Variants in HMGN3 observed in about 807,000 individuals in gnomAD.
HMGN3 encodes the protein high mobility group nucleosome-binding domain-containing protein 3.
HMGN3 carries 6 observed loss-of-function variants against 18.8 expected under a neutral mutation model. The ratio of observed to expected loss-of-function variants is 0.32; its 90% CI spans 0.18 to 0.63. The LOEUF is 0.63. Among genes scored for constraint, HMGN3 ranks in the 30% least tolerant of loss-of-function variants. The pLI, the probability that HMGN3 is intolerant of heterozygous loss-of-function variation, is 0.79. For synonymous variants in HMGN3, 40 were observed against 36.5 expected (o/e 1.10, Z -0.35); for missense variants, 107 against 114.2 (o/e 0.94, Z 0.29).
intron 1 of HMGN3, among the ~76,000 whole-genome samples, chr6:79,218,533 C>T (rs927463206): frequency 2.6e-5 from 4 of 151,912 alleles, no homozygotes; most frequent in Admixed American, 1.3e-4. Context: ...ATCTCACAAA[C>T]GTAATGTTGG....
intron 5 of HMGN3, 93 bp from the exon 7 acceptor site, chr6:79,201,819 C>T: frequency 6.6e-7 from 1 of 1,522,080 alleles, no homozygotes; most frequent in Non-Finnish European, 8.7e-7. Context: ...CAGTTTTGAA[C>T]ATTTGTTTTC....
intron 1 of HMGN3, among the ~76,000 whole-genome samples, chr6:79,224,256 T>C (rs1777450715): frequency 6.6e-6 from 1 of 152,182 alleles, no homozygotes; most frequent in South Asian, 2.1e-4. Flanking sequence ...CATACTCTTA[T>C]CCACTACACC....
chr6:79,230,725 T>C (rs1475627484), intron 1 of HMGN3, among the ~76,000 whole-genome samples: 1 of 152,224 alleles, frequency 6.6e-6, no homozygotes, highest in Non-Finnish European at 1.5e-5. Flanking sequence ...TTTTCAGTGA[T>C]ATGTGGTACA....
intron 1 of HMGN3, among the ~76,000 whole-genome samples, chr6:79,229,727 A>C (rs1043588282): frequency 1.8e-4 from 28 of 152,106 alleles, no homozygotes; most frequent in African/African-American, 5.6e-4. Context: ...AATACAAAAA[A>C]ATTAGCCGGG....
At position 79,218,892 on chromosome 6, in the gene HMGN3, G is replaced by C. The variant is rs892780191; in HGVS notation, c.16-3870C>G. Among the ~76,000 whole-genome samples the C allele has an allele frequency of 2.7e-4, 41 of 152,172 alleles. No individual in the cohort carries two copies. The Middle Eastern group carries it at 0.01, about 38-fold the overall frequency. ...AAACTCAAAACACGGATAAACTCTAGACCAGACACAGTAGGAACTGCCATA... is the reference window on the plus strand; with the variant it reads ...AAACTCAAAACACGGATAAACTCTACACCAGACACAGTAGGAACTGCCATA... On this transcript the variant is annotated intron_variant, in intron 1 of 5. Coordinates refer to ENST00000344726, the Ensembl canonical transcript of HMGN3.
rs1165163368 is a variant in HMGN3, at chr6:79,202,369, A to G, written c.168T>C (p.Ile56=). ...CCTTCTTCCCTTTAGCACCTCTGCTAATCTTTGCTCCAGGTTCTTTCTAAC... is the reference window on the plus strand; with the variant it reads ...CCTTCTTCCCTTTAGCACCTCTGCTGATCTTTGCTCCAGGTTCTTTCTAAC... The change falls in exon 5 of 6, where the codon ATT becomes ATC. Residue 56 remains isoleucine, a synonymous_variant. Coordinates refer to ENST00000344726, the Ensembl canonical transcript of HMGN3. 1.9e-6 allele frequency: 3 copies of G among 1,613,860 alleles called. No individual in the cohort carries two copies. In the South Asian group the frequency reaches 3.3e-5, roughly 18 times the overall value.
Position 79,232,392 on chromosome 6 carries a change from G to A in HMGN3, c.15+2154C>T, listed in dbSNP as rs373711062. The stretch of plus-strand genomic sequence containing the variant: ...TCCTGCCCAGGTACCAACTGAGGTC[G>A]TTAGGCTTCAGGTATAAATGGAAAG... On this transcript the variant is annotated intron_variant, in intron 1 of 5. Coordinates refer to ENST00000344726, the Ensembl canonical transcript of HMGN3. Among the ~76,000 whole-genome samples the A allele has an allele frequency of 3.4e-4, 51 of 152,226 alleles. 2 individuals carry two copies. In the South Asian group the frequency reaches 9.5e-3, roughly 28 times the overall value.
intron 1 of HMGN3, among the ~76,000 whole-genome samples, chr6:79,223,459 C>T (rs1238973887): frequency 6.6e-6 from 1 of 151,994 alleles, no homozygotes; most frequent in East Asian, 1.9e-4. Flanking sequence ...TGCAGTGAGC[C>T]GAGATCGCGC....
chr6:79,234,265 G>C (rs768619402), intron 1 of HMGN3: 6 of 354,552 alleles, frequency 1.7e-5, no homozygotes, highest in Admixed American at 8.7e-5. Flanking sequence ...TTTGCTTCTT[G>C]TTGTTGGGGG....
chr6:79,231,491 CT>C (rs1777832763), intron 1 of HMGN3, among the ~76,000 whole-genome samples: 1 of 152,214 alleles, frequency 6.6e-6, no homozygotes, highest in South Asian at 2.1e-4. Flanking sequence ...TCACTAAGTG[CT>C]GTATTACTTC....
intron 3 of HMGN3, among the ~76,000 whole-genome samples, chr6:79,208,223 C>T (rs1003966489): frequency 2.6e-5 from 4 of 152,180 alleles, no homozygotes; most frequent in African/African-American, 9.7e-5. Context: ...AGAATTCTGT[C>T]CACTTCAGCA....
chr6:79,223,359 A>T (rs1273671477), intron 1 of HMGN3, among the ~76,000 whole-genome samples: 1 of 152,154 alleles, frequency 6.6e-6, no homozygotes, highest in Non-Finnish European at 1.5e-5. Context: ...AATATACAAA[A>T]AATTAGCTGG....
At chr6:79,231,760 C>G (rs1201108897) in intron 1 of HMGN3, among the ~76,000 whole-genome samples, 4 of 152,192 alleles carry the variant, frequency 2.6e-5, no homozygotes, top group African/African-American at 9.6e-5. Flanking sequence ...ACTTTTAAGA[C>G]CAGCCTAAAG....
At chr6:79,215,791 T>C (rs1776951850) in intron 1 of HMGN3, among the ~76,000 whole-genome samples, 1 of 152,258 alleles carries the variant, frequency 6.6e-6, no homozygotes, top group Non-Finnish European at 1.5e-5. Flanking sequence ...CATGTCCCAA[T>C]ATTTTTTATT....
Sources: allele counts gnomAD v4.1 joint callset (sites outside exome capture counted in the v4.1 genomes callset), GRCh38; gene constraint gnomAD v4.1.1; transcripts MANE v1.5; gene names NCBI Gene and HGNC (gene_info 2026-07-23, HGNC 2026-07-21).